Variants in PXDC1 observed in about 807,000 individuals in gnomAD.
The protein encoded by PXDC1 is PX domain containing 1.
PXDC1 carries 13 observed loss-of-function variants against 24.4 expected under a neutral mutation model. The observed-to-expected ratio is 0.53, with a 90% CI of 0.35 to 0.85. PXDC1 has a LOEUF of 0.85. Among genes scored for constraint, PXDC1 ranks in the 40% least tolerant of loss-of-function variants. The pLI, the probability that PXDC1 is intolerant of heterozygous loss-of-function variation, is 0.01. For missense variants in PXDC1, 344 were observed against 309.3 expected (o/e 1.11, Z -0.84); for synonymous variants, 162 against 124.9 (o/e 1.30, Z -1.98).
intron 4 of PXDC1, among the ~76,000 whole-genome samples, chr6:3,726,602 G>A (rs1434031956): frequency 3.3e-5 from 5 of 152,258 alleles, no homozygotes; most frequent in African/African-American, 4.8e-5. Context: ...CCAGGCCGCC[G>A]GCTGGGGCCC....
chr6:3,727,430 G>A lies in PXDC1; in HGVS notation c.578+121C>T, dbSNP rs151044817. The A allele has an allele frequency of 9.6e-5, 61 of 634,648 alleles. 1 individual carries two copies. The East Asian group carries it at 1.7e-3, about 18-fold the overall frequency. The allele number at this position is 634,648 out of a possible 1,614,324, so 39.3% of individuals were successfully genotyped here. ...CTTCTAAAATCAGTGTCCAAATGCA[G>A]GTAGGAACTGCTGGGTGGCTCTGGG... On this transcript the variant is annotated intron_variant, in intron 4 of 4. Transcript: ENST00000380283.
chr6:3,751,242 G>A, intron 1 of PXDC1, 34 bp downstream of exon 1: 1 of 1,416,266 alleles, frequency 7.1e-7, no homozygotes, highest in East Asian at 2.7e-5. Flanking sequence ...GGCTGCCTCG[G>A]CCCCGCGCCC....
intron 1 of PXDC1, among the ~76,000 whole-genome samples, chr6:3,744,300 C>T (rs1760515479): frequency 2.6e-5 from 4 of 152,206 alleles, no homozygotes. Context: ...GCTCCTCCTC[C>T]ACCAGGCTGG....
intron 3 of PXDC1, among the ~76,000 whole-genome samples, chr6:3,735,805 C>T (rs997336283): frequency 2.0e-5 from 3 of 152,122 alleles, no homozygotes; most frequent in African/African-American, 7.2e-5. Flanking sequence ...AATGGAAATG[C>T]TAAATACTCT....
chr6:3,739,448 T>C (rs1306347651), intron 1 of PXDC1, among the ~76,000 whole-genome samples: 1 of 152,262 alleles, frequency 6.6e-6, no homozygotes, highest in Non-Finnish European at 1.5e-5. Context: ...TATCTGATCC[T>C]GCCCCCTCCA....
In PXDC1 at chr6:3,751,358, C is replaced by A. The variant is rs772832078; in HGVS notation, c.174G>T (p.Ala58=). 29 of 1,558,464 alleles carry A rather than the reference C, an allele frequency of 1.9e-5. No homozygotes were observed. In the Admixed American group the frequency reaches 3.2e-4, roughly 17 times the overall value. Residue 58 remains alanine (A), a synonymous_variant, in exon 1 of 5, where the codon GCG becomes GCT. Transcript: ENST00000380283. ...RSVLYLHRSL[A]DLGRLWQRLR... ...GGCGCTGCCACAGGCGGCCCAGGTC[C>A]GCCAGGCTGCGGTGCAGGTAGAGCA...
chr6:3,749,377 A>G (rs912226808), intron 1 of PXDC1, among the ~76,000 whole-genome samples: 1 of 151,142 alleles, frequency 6.6e-6, no homozygotes, highest in African/African-American at 2.4e-5. Flanking sequence ...ACTTGGAGGT[A>G]GCTATCATAT....
intron 1 of PXDC1, among the ~76,000 whole-genome samples, chr6:3,745,636 C>T (rs1186474159): frequency 2.0e-5 from 3 of 152,194 alleles, no homozygotes; most frequent in Non-Finnish European, 4.4e-5. Context: ...TGAGCCTGAC[C>T]CCTCTCACTG....
At chr6:3,733,480 A>G (rs1010117074) in intron 3 of PXDC1, among the ~76,000 whole-genome samples, 1 of 152,140 alleles carries the variant, frequency 6.6e-6, no homozygotes, top group African/African-American at 2.4e-5. Flanking sequence ...ACTGCTCTAG[A>G]TTAAGAAGCT....
chr6:3,744,268 C>T (rs1009420270), intron 1 of PXDC1, among the ~76,000 whole-genome samples: 4 of 152,196 alleles, frequency 2.6e-5, no homozygotes, highest in African/African-American at 7.2e-5. Flanking sequence ...GCACTTCAGT[C>T]GCTCTTCCCA....
chr6:3,740,382 C>T (rs750615742), intron 1 of PXDC1, among the ~76,000 whole-genome samples: 3 of 152,190 alleles, frequency 2.0e-5, no homozygotes, highest in East Asian at 1.9e-4. Flanking sequence ...TAATTAAATA[C>T]GAATTTCAGA....
chr6:3,748,088 T>A (rs1350674940), intron 1 of PXDC1, among the ~76,000 whole-genome samples: 1 of 152,194 alleles, frequency 6.6e-6, no homozygotes, highest in Non-Finnish European at 1.5e-5. Flanking sequence ...AAATTCAACA[T>A]GTTTATGTTT....
Position 3,723,245 on chromosome 6 carries a change from A to G in PXDC1, c.*374T>C. 4.8e-6 allele frequency: 1 copy of G among 207,424 alleles called. No homozygotes were observed. The highest frequency in any genetic ancestry group is 9.6e-6 in the Non-Finnish European group (1 of 103,948). The allele number at this position is 207,424 out of a possible 1,614,324, so 12.8% of individuals were successfully genotyped here. A position where few individuals can be genotyped will look rare whatever the true frequency, so the allele number is the denominator to read the frequency against. ...TGGGGAGTCAGGGTGGCTGGGGGGC[A>G]CTAGGCCACTTCACCAAGAGGGATG... is the stretch of plus-strand genomic sequence containing the variant. On this transcript the variant is annotated 3_prime_UTR_variant, in exon 5 of 5. Transcript: ENST00000380283.
At chr6:3,746,538 G>C (rs1459521036) in intron 1 of PXDC1, among the ~76,000 whole-genome samples, 1 of 152,136 alleles carries the variant, frequency 6.6e-6, no homozygotes, top group Non-Finnish European at 1.5e-5. Flanking sequence ...GCCCCTCTGG[G>C]TGGGGCAGAA....
chr6:3,747,471 T>G (rs72847741), intron 1 of PXDC1, among the ~76,000 whole-genome samples: 2,057 of 152,058 alleles, frequency 0.014, 18 homozygotes, highest in Non-Finnish European at 0.019. Context: ...CTCTCTCCCT[T>G]CCTGACCAAC....
chr6:3,737,952 A>C lies in PXDC1; in HGVS notation c.348+105T>G. On this transcript the variant is annotated intron_variant, in intron 2 of 4. Transcript: ENST00000380283. The surrounding 1 kb of genome is among the most constrained non-coding windows in gnomAD (Gnocchi z 5.5). ...GGAGGGAACAAAACGGCTAAGTGAG[A>C]CAGAGCAAGCAAGTCAACCCTCCGG... is the stretch of plus-strand genomic sequence containing the variant. The C allele has an allele frequency of 1.0e-6, 1 of 955,808 alleles. No individual in the cohort carries two copies. The highest frequency in any genetic ancestry group is 1.6e-6 in the Non-Finnish European group (1 of 611,908). 59.2% of individuals were successfully genotyped at this position (955,808 alleles called of 1,614,324 possible).
chr6:3,735,507 CACAGAAAG>C (rs1379052601), intron 3 of PXDC1, among the ~76,000 whole-genome samples: 1 of 152,176 alleles, frequency 6.6e-6, no homozygotes, highest in East Asian at 1.9e-4. Flanking sequence ...ATAAGCTAGG[CACAGAAAG>C]ACAAATGTCA....
intron 1 of PXDC1, among the ~76,000 whole-genome samples, chr6:3,738,482 G>A (rs1760378876): frequency 6.6e-6 from 1 of 152,212 alleles, no homozygotes; most frequent in Non-Finnish European, 1.5e-5. Flanking sequence ...AGCCCAGGGC[G>A]AATCAGGCCC....
Position 3,737,356 on chromosome 6 carries a change from C to G in PXDC1, c.349-160G>C, listed in dbSNP as rs1364628007. The stretch of plus-strand genomic sequence containing the variant: ...CCCATGGCTGGCCGCAGGGGCGGGG[C>G]TGCCATCACTGCACAGCCCTCACAT... On this transcript the variant is annotated intron_variant, in intron 2 of 4. Coordinates refer to ENST00000380283, the MANE Select transcript of PXDC1 (RefSeq NM_183373.4). This position sits in a 1 kb window ranked among gnomAD's most constrained non-coding sequence, Gnocchi z 5.5. 6.6e-6 allele frequency among the ~76,000 whole-genome samples: 1 copy of G among 152,232 alleles called. No homozygotes were observed. The highest frequency in any genetic ancestry group is 2.4e-5 in the African/African-American group (1 of 41,466).
Sources: gnomAD v4.1 joint callset for allele counts (sites outside exome capture counted in the v4.1 genomes callset) on GRCh38, gnomAD v4.1.1 for gene constraint, Gnocchi (gnomAD v3.1) non-coding constraint, MANE v1.5 for transcripts, NCBI Gene and HGNC (gene_info 2026-07-23, HGNC 2026-07-21) for gene names.